ZC3H12B: variants seen among roughly 807,000 people sequenced by gnomAD.
The protein encoded by ZC3H12B is probable ribonuclease ZC3H12B.
ZC3H12B carries 7 observed loss-of-function variants against 43.9 expected under a neutral mutation model. The observed-to-expected ratio is 0.16, with a 90% CI of 0.09 to 0.30. The LOEUF is 0.30. Among genes scored for constraint, ZC3H12B ranks in the 10% least tolerant of loss-of-function variants. ZC3H12B has a pLI of 1.00. For missense variants in ZC3H12B, 475 were observed against 670.2 expected (o/e 0.71, Z 3.22); for synonymous variants, 222 against 241.7 (o/e 0.92, Z 0.76).
At position 65,423,878 on chromosome X, in the gene ZC3H12B, TG is replaced by T. The variant is rs1470743426; in HGVS notation, n.407+25176del. 3.6e-5 allele frequency among the ~76,000 whole-genome samples: 4 copies of T among 112,187 alleles called. No homozygotes were observed. The Admixed American group carries it at 3.8e-4, about 11-fold the overall frequency. On this transcript the variant is annotated intron_variant and non_coding_transcript_variant, in intron 3 of 5. Coordinates refer to the ZC3H12B transcript ENST00000617377. The stretch of plus-strand genomic sequence containing the variant: ...TTAATTAGATCCCATTTGTCGATTC[TG>T]GCTTTTGTTGCAATTGCTTTTCGGG...
At chrX:65,372,321 T>C (rs2066256022) in intron 2 of ZC3H12B, among the ~76,000 whole-genome samples, 1 of 111,598 alleles carries the variant, frequency 9.0e-6, no homozygotes, top group Non-Finnish European at 1.9e-5. Flanking sequence ...GCCTTCCAAG[T>C]CCAAGTAAAT....
the ZC3H12B span, among the ~76,000 whole-genome samples, chrX:65,159,739 T>C: frequency 8.9e-6 from 1 of 111,990 alleles, no homozygotes; most frequent in African/African-American, 3.2e-5. Flanking sequence ...CTTTTCCTAA[T>C]TGAATAACCT....
chrX:65,452,644 C>T (rs2067532624), intron 3 of ZC3H12B, among the ~76,000 whole-genome samples: 1 of 111,484 alleles, frequency 9.0e-6, no homozygotes, highest in South Asian at 3.8e-4. Context: ...AATTCAAGAC[C>T]AGCCTGGCCA....
the ZC3H12B span, among the ~76,000 whole-genome samples, chrX:65,255,101 AAGAG>A: frequency 8.9e-6 from 1 of 111,822 alleles, no homozygotes; most frequent in Non-Finnish European, 1.9e-5. Flanking sequence ...AACGTCCCTG[AAGAG>A]AGAGAGAGAA....
chrX:65,060,832 G>A, the ZC3H12B span, among the ~76,000 whole-genome samples: 3 of 111,653 alleles, frequency 2.7e-5, no homozygotes, highest in East Asian at 2.8e-4. Flanking sequence ...AGTTTATGTA[G>A]GATTGGTTAT....
the ZC3H12B span, among the ~76,000 whole-genome samples, chrX:65,116,379 G>A: frequency 9.0e-6 from 1 of 110,623 alleles, no homozygotes; most frequent in East Asian, 2.9e-4. Context: ...TTTATTTATG[G>A]GTTCTCTATT....
intron 2 of ZC3H12B, among the ~76,000 whole-genome samples, chrX:65,389,020 G>A (rs972010273): frequency 8.0e-5 from 9 of 111,859 alleles, no homozygotes; most frequent in Non-Finnish European, 1.1e-4. Context: ...AGGAGTAAGC[G>A]GCTGGGTGAG....
At chrX:65,440,004 T>C (rs751266248) in intron 3 of ZC3H12B, among the ~76,000 whole-genome samples, 71 of 111,748 alleles carry the variant, frequency 6.4e-4, no homozygotes, top group Middle Eastern at 4.6e-3. Context: ...CCCAAGTTAT[T>C]ATTTTACCTA....
the ZC3H12B span, among the ~76,000 whole-genome samples, chrX:65,053,697 T>A: frequency 9.0e-6 from 1 of 111,623 alleles, no homozygotes; most frequent in South Asian, 3.8e-4. Flanking sequence ...ACTTCCACAA[T>A]GGTTGAACTA....
chrX:65,443,527 G>C (rs1719104828), intron 3 of ZC3H12B, among the ~76,000 whole-genome samples: 2 of 112,517 alleles, frequency 1.8e-5, no homozygotes, highest in African/African-American at 6.5e-5. Context: ...CAGCAAACCA[G>C]TCATTAGCAT....
the ZC3H12B span, among the ~76,000 whole-genome samples, chrX:65,053,287 G>A: frequency 1.8e-5 from 2 of 110,518 alleles, no homozygotes; most frequent in Non-Finnish European, 3.8e-5. Context: ...GCCCCAGGGT[G>A]TGATGTTCCC....
At chrX:65,352,017 A>G in the ZC3H12B span, among the ~76,000 whole-genome samples, 1 of 112,336 alleles carries the variant, frequency 8.9e-6, no homozygotes. Flanking sequence ...CACATGCACA[A>G]TTATGTTTAT....
the ZC3H12B span, among the ~76,000 whole-genome samples, chrX:65,051,030 T>C: frequency 9.0e-6 from 1 of 111,602 alleles, no homozygotes; most frequent in Non-Finnish European, 1.9e-5. Flanking sequence ...GATTTAATCT[T>C]CTTACTAGTT....
the ZC3H12B span, among the ~76,000 whole-genome samples, chrX:65,297,478 C>A: frequency 3.6e-5 from 4 of 111,376 alleles, no homozygotes; most frequent in African/African-American, 1.3e-4. Flanking sequence ...CTACAAAACA[C>A]TACTGAAAGA....
chrX:65,053,084 C>G, the ZC3H12B span, among the ~76,000 whole-genome samples: 1 of 111,068 alleles, frequency 9.0e-6, no homozygotes, highest in African/African-American at 3.3e-5. Flanking sequence ...CTCTATTGTT[C>G]ACATGCCTGT....
chrX:65,144,119 C>G, the ZC3H12B span, among the ~76,000 whole-genome samples: 1 of 111,551 alleles, frequency 9.0e-6, no homozygotes, highest in African/African-American at 3.3e-5. Flanking sequence ...TGCTGTGAAT[C>G]AATCTAGTCT....
intron 2 of ZC3H12B, among the ~76,000 whole-genome samples, chrX:65,378,498 C>A (rs1261102297): frequency 9.0e-6 from 1 of 111,234 alleles, no homozygotes; most frequent in African/African-American, 3.3e-5. Context: ...TTAAAGCATA[C>A]CACCAGACAA....
chrX:65,212,405 TTTATA>T, the ZC3H12B span, among the ~76,000 whole-genome samples: 2 of 58,274 alleles, frequency 3.4e-5, no homozygotes, highest in African/African-American at 7.3e-5. Flanking sequence ...TATATTTATA[TTTATA>T]TTATATATGT....
At chrX:65,038,643 G>A in the ZC3H12B span, among the ~76,000 whole-genome samples, 152 of 110,654 alleles carry the variant, frequency 1.4e-3, 1 homozygote, top group Middle Eastern at 4.6e-3. Context: ...GTACTGTGGC[G>A]ATTTAAGGCA....
Sources: gnomAD v4.1 joint callset for allele counts (sites outside exome capture counted in the v4.1 genomes callset) on GRCh38, gnomAD v4.1.1 for gene constraint, MANE v1.5 for transcripts, NCBI Gene and HGNC (gene_info 2026-07-23, HGNC 2026-07-21) for gene names.